Variants in KCNQ4 observed in about 807,000 individuals in gnomAD.
KCNQ4 encodes potassium voltage-gated channel subfamily Q member 4.
In KCNQ4, 31 loss-of-function variants were observed where a neutral mutation model predicts 72.6. That is an observed-to-expected ratio of 0.43 (90% confidence interval 0.32 to 0.58). KCNQ4 has a LOEUF of 0.58. KCNQ4 is among the 20% of genes least tolerant of loss of function. KCNQ4 has a pLI of 0.08. For missense variants in KCNQ4, 869 were observed against 962.6 expected, an observed-to-expected ratio of 0.90 and a Z score of 1.29; for synonymous variants, 405 against 403.7, an observed-to-expected ratio of 1.00 and a Z score of -0.04.
intron 1 of KCNQ4, among the ~76,000 whole-genome samples, chr1:40,810,379 A>G (rs1364675004): frequency 6.6e-6 from 1 of 152,160 alleles, no homozygotes; most frequent in African/African-American, 2.4e-5. Context: ...CCTTGAGTAC[A>G]CTGTCATGGC....
chr1:40,823,992 G>A (rs1245483754), intron 8 of KCNQ4, 105 bp from the exon 9 acceptor site: 2 of 1,348,476 alleles, frequency 1.5e-6, no homozygotes, highest in Non-Finnish European at 2.1e-6. Context: ...AACACCTCTA[G>A]AGCAGCAGGA....
intron 7 of KCNQ4, among the ~76,000 whole-genome samples, chr1:40,821,706 C>T (rs1648299339): frequency 6.6e-6 from 1 of 152,140 alleles, no homozygotes; most frequent in African/African-American, 2.4e-5. Context: ...CCACATGTGC[C>T]AGACACTATA....
Position 40,819,456 on chromosome 1 carries a change from C to CGCTCT in KCNQ4, c.820_824dup (p.Trp275CysfsTer9), listed in dbSNP as rs1162696106. 6.2e-7 allele frequency: 1 copy of CGCTCT among 1,613,720 alleles called. No individual in the cohort carries two copies. The highest frequency in any genetic ancestry group is 8.5e-7 in the Non-Finnish European group (1 of 1,179,928). ...TCCGACTTCTCCTCCTACGCCGACT[C>CGCTCT]GCTCTGGTGGGGGACGGTGCGTGAG... On this transcript the variant is annotated frameshift_variant, in exon 5 of 14. Transcript: ENST00000347132. LOFTEE classifies it high-confidence loss of function.
intron 9 of KCNQ4, 52 bp from the exon 10 acceptor site, chr1:40,831,032 C>T: frequency 6.7e-7 from 1 of 1,495,966 alleles, no homozygotes; most frequent in East Asian, 2.5e-5. Flanking sequence ...CACTCACCCC[C>T]ACCCCCAGCT....
At position 40,788,310 on chromosome 1, in the gene KCNQ4, C is replaced by T. The variant is rs535737024; in HGVS notation, c.314+3903C>T. On this transcript the variant is annotated intron_variant, in intron 1 of 13. Coordinates refer to ENST00000347132, the MANE Select transcript of KCNQ4 (RefSeq NM_004700.4). This position sits in a 1 kb window ranked among gnomAD's most constrained non-coding sequence, Gnocchi z 4.5. ...AGTAGCAGATACAGCGGACTCTGTG[C>T]AGAGACCTCAGCTGGGCTAGGCCAG... Among the ~76,000 whole-genome samples the T allele has an allele frequency of 1.7e-4, 26 of 152,320 alleles. No homozygotes were observed. Among genetic ancestry groups the T allele is most frequent in the African/African-American group, 6.0e-4 (25 of 41,562 alleles).
rs1041006038 is a variant in KCNQ4 at position 40,839,943 on chromosome 1, G to C, written c.*1420G>C. On this transcript the variant is annotated 3_prime_UTR_variant, in exon 14 of 14. Coordinates refer to ENST00000347132, the MANE Select transcript of KCNQ4 (RefSeq NM_004700.4). ...TCAATTGGCAGCGCCACATCCAGGC[G>C]TCAGCCCCCATTCACTCCAGGAACA... 1 of 152,274 alleles carries C rather than the reference G, an allele frequency of 6.6e-6. No individual in the cohort carries two copies. The highest frequency in any genetic ancestry group is 1.5e-5 in the Non-Finnish European group (1 of 68,074). 9.4% of individuals were successfully genotyped at this position (152,274 alleles called of 1,614,324 possible).
At chr1:40,802,952 C>T (rs1647630181) in intron 1 of KCNQ4, among the ~76,000 whole-genome samples, 1 of 152,168 alleles carries the variant, frequency 6.6e-6, no homozygotes, top group African/African-American at 2.4e-5. Context: ...GACTGAGATA[C>T]ATTTAGGGAC....
Position 40,819,393 on chromosome 1 carries a change from C to A in KCNQ4, c.755C>A (p.Ala252Asp). 6.2e-7 allele frequency: 1 copy of A among 1,613,940 alleles called. No homozygotes were observed. Among genetic ancestry groups the A allele is most frequent in the Non-Finnish European group, 8.5e-7 (1 of 1,179,974 alleles). Reference protein sequence around the residue: ...WYIGFLVLIFASFLVYLAEKD... With the variant: ...WYIGFLVLIFDSFLVYLAEKD... ...ATCGGGTTCCTGGTGCTCATCTTCG[C>A]CTCCTTCCTGGTCTACCTGGCTGAG... Residue 252 changes from alanine to aspartate, a missense_variant, in exon 5 of 14, where the codon GCC becomes GAC. Physicochemically the swap from Ala to Asp is moderately radical, Grantham distance 126. Coordinates refer to ENST00000347132, the MANE Select transcript of KCNQ4 (RefSeq NM_004700.4).
At chr1:40,806,975 C>G (rs989257932) in intron 1 of KCNQ4, among the ~76,000 whole-genome samples, 1 of 152,146 alleles carries the variant, frequency 6.6e-6, no homozygotes, top group African/African-American at 2.4e-5. Flanking sequence ...TGTCATGTGT[C>G]GCTCTGCAGT....
intron 12 of KCNQ4, 49 bp from the exon 13 acceptor site, chr1:40,837,616 G>A (rs754780541): frequency 1.9e-6 from 3 of 1,592,980 alleles, no homozygotes; most frequent in South Asian, 1.1e-5. Context: ...TCTTGTGGAA[G>A]GGAGGGACGG....
intron 1 of KCNQ4, among the ~76,000 whole-genome samples, chr1:40,814,882 T>C (rs972478685): frequency 7.1e-6 from 1 of 140,948 alleles, no homozygotes; most frequent in African/African-American, 2.6e-5. Flanking sequence ...TATAATCTGC[T>C]TTCCTTTTTT....
intron 1 of KCNQ4, among the ~76,000 whole-genome samples, chr1:40,816,014 T>C (rs929476545): frequency 6.6e-6 from 1 of 150,894 alleles, no homozygotes; most frequent in Non-Finnish European, 1.5e-5. Flanking sequence ...GAAGGGGGGA[T>C]AGTGGGGTGC....
At chr1:40,821,082 CCAG>C (rs1252981496) in intron 7 of KCNQ4, among the ~76,000 whole-genome samples, 1 of 152,216 alleles carries the variant, frequency 6.6e-6, no homozygotes, top group African/African-American at 2.4e-5. Context: ...GCTGTTATCT[CCAG>C]CCACCAGCTC....
At chr1:40,805,844 A>AT (rs920112059) in intron 1 of KCNQ4, among the ~76,000 whole-genome samples, 1,953 of 146,272 alleles carry the variant, frequency 0.013, 17 homozygotes, top group Non-Finnish European at 0.015. Flanking sequence ...TTCACATGAA[A>AT]TTTTTTTTTT....
Position 40,838,450 on chromosome 1 carries a change from T to G in KCNQ4, c.2015T>G (p.Val672Gly). 6.2e-7 allele frequency: 1 copy of G among 1,614,148 alleles called. No homozygotes were observed. The highest frequency in any genetic ancestry group is 8.5e-7 in the Non-Finnish European group (1 of 1,179,976). ...PDITSDYHSP[V>G]DHEDISVSAQ... is the part of the protein sequence containing the mutation. Reference sequence around the variant, plus strand: ...ATCACCTCCGACTACCACAGCCCTGTGGACCACGAGGACATCTCCGTCTCC... The same window carrying G: ...ATCACCTCCGACTACCACAGCCCTGGGGACCACGAGGACATCTCCGTCTCC... The change falls in exon 14 of 14, where the codon GTG becomes GGG. Residue 672 changes from valine (V) to glycine (G), a missense_variant. Val to Gly is a moderately radical substitution (Grantham distance 109). This residue lies in a region of KCNQ4 where 480 missense variants were observed against 501.9 expected (regional missense o/e 0.96). Coordinates refer to ENST00000347132, the MANE Select transcript of KCNQ4 (RefSeq NM_004700.4).
chr1:40,837,589 A>C (rs1385766154), intron 12 of KCNQ4, 76 bp from the exon 13 acceptor site: 20 of 1,549,328 alleles, frequency 1.3e-5, no homozygotes, highest in Non-Finnish European at 1.7e-5. Context: ...CTTCTCCTTC[A>C]TCAGGCAACC....
intron 1 of KCNQ4, among the ~76,000 whole-genome samples, chr1:40,806,464 G>C (rs1350652069): frequency 6.6e-6 from 1 of 152,228 alleles, no homozygotes; most frequent in East Asian, 1.9e-4. Context: ...AGGCAGGCTG[G>C]CACGGCAGAA....
chr1:40,784,994 G>A lies in KCNQ4; in HGVS notation c.314+587G>A, dbSNP rs1647188141. On this transcript the variant is annotated intron_variant, in intron 1 of 13. Coordinates refer to ENST00000347132, the MANE Select transcript of KCNQ4 (RefSeq NM_004700.4). The surrounding 1 kb of genome is among the most constrained non-coding windows in gnomAD (Gnocchi z 4.1). ...ATATGCTGTGTCCGACTTGATCTGT[G>A]TCTTCGCTCAGTCTTCCCCTCCACC... 6.6e-6 allele frequency among the ~76,000 whole-genome samples: 1 copy of A among 152,172 alleles called. No homozygotes were observed. Among genetic ancestry groups the A allele is most frequent in the Non-Finnish European group, 1.5e-5 (1 of 68,030 alleles).
chr1:40,840,429 G>A lies in KCNQ4; in HGVS notation c.*1906G>A, dbSNP rs1322810636. 1 of 152,212 alleles carries A rather than the reference G, an allele frequency of 6.6e-6. No individual in the cohort carries two copies. Among genetic ancestry groups the A allele is most frequent in the African/African-American group, 2.4e-5 (1 of 41,442 alleles). The allele number at this position is 152,212 out of a possible 1,614,324, so 9.4% of individuals were successfully genotyped here. A position where few individuals can be genotyped will look rare whatever the true frequency, so the allele number is the denominator to read the frequency against. ...ACTTTGTTAACTTATTAACTTATTG[G>A]TTTCATTAAAGTTTTCAAGAGGAGG... On this transcript the variant is annotated 3_prime_UTR_variant, in exon 14 of 14. Coordinates refer to ENST00000347132, the MANE Select transcript of KCNQ4 (RefSeq NM_004700.4).
Sources: gnomAD v4.1 joint callset for allele counts (sites outside exome capture counted in the v4.1 genomes callset) on GRCh38, gnomAD v4.1.1 for gene constraint, gnomAD v4.1.1 regional missense constraint, Gnocchi (gnomAD v3.1) non-coding constraint, MANE v1.5 for transcripts, NCBI Gene and HGNC (gene_info 2026-07-23, HGNC 2026-07-21) for gene names.